Variants in FRMPD4 observed in about 807,000 individuals in gnomAD.
FRMPD4 encodes the protein FERM and PDZ domain-containing protein 4.
FRMPD4 carries 22 observed loss-of-function variants against 94.1 expected under a neutral mutation model. The ratio of observed to expected loss-of-function variants is 0.23; its 90% CI spans 0.17 to 0.33. FRMPD4 has a LOEUF of 0.33. FRMPD4 is among the 10% of genes least tolerant of loss of function. The pLI, the probability that FRMPD4 is intolerant of heterozygous loss-of-function variation, is 1.00. For missense variants in FRMPD4, 1,111 were observed against 1,339.9 expected (o/e 0.83, Z 2.67); for synonymous variants, 631 against 548.6 (o/e 1.15, Z -2.10).
intron 1 of FRMPD4, among the ~76,000 whole-genome samples, chrX:12,383,833 C>T (rs753811209): frequency 8.9e-6 from 1 of 111,770 alleles, no homozygotes; most frequent in African/African-American, 3.3e-5. Context: ...ACGGCAGCCA[C>T]ACATTCTTGT....
chrX:12,636,530 T>C (rs977469389), intron 4 of FRMPD4, among the ~76,000 whole-genome samples: 13 of 112,120 alleles, frequency 1.2e-4, no homozygotes, highest in African/African-American at 4.2e-4. Context: ...ATTTATTAAT[T>C]CATTAATGAT....
At chrX:12,532,096 C>T (rs777038753) in intron 2 of FRMPD4, among the ~76,000 whole-genome samples, 5 of 111,581 alleles carry the variant, frequency 4.5e-5, no homozygotes, top group East Asian at 2.8e-4. Context: ...GAAAAACAAA[C>T]GACAAAAGCA....
At chrX:12,399,311 G>T (rs1444735182) in intron 1 of FRMPD4, among the ~76,000 whole-genome samples, 1 of 111,780 alleles carries the variant, frequency 8.9e-6, no homozygotes, top group Non-Finnish European at 1.9e-5. Context: ...GTAGATGGAT[G>T]TAGATATATG....
chrX:12,286,340 A>G (rs1303381623), intron 1 of FRMPD4, among the ~76,000 whole-genome samples: 1 of 111,065 alleles, frequency 9.0e-6, no homozygotes, highest in African/African-American at 3.3e-5. Flanking sequence ...AAAAATACTC[A>G]TTGTAAATGC....
At chrX:12,253,658 G>A (rs1022402426) in intron 1 of FRMPD4, among the ~76,000 whole-genome samples, 1 of 112,006 alleles carries the variant, frequency 8.9e-6, no homozygotes, top group East Asian at 2.8e-4. Flanking sequence ...GATAATGTGT[G>A]TGTAGTGTAA....
At chrX:12,003,390 T>TGTGTGTGC (rs1301910413) in intron 3 of FRMPD4, among the ~76,000 whole-genome samples, 1 of 108,914 alleles carries the variant, frequency 9.2e-6, no homozygotes, top group Non-Finnish European at 1.9e-5. Flanking sequence ...TTGGCAAGTG[T>TGTGTGTGC]GTGTGTGTGT....
chrX:12,067,036 GT>G (rs751444352), intron 3 of FRMPD4, among the ~76,000 whole-genome samples: 1 of 108,627 alleles, frequency 9.2e-6, no homozygotes, highest in Non-Finnish European at 1.9e-5. Flanking sequence ...TGCCCAGCTA[GT>G]TTTTTTTGTA....
intron 1 of FRMPD4, among the ~76,000 whole-genome samples, chrX:11,862,430 A>C (rs1483709444): frequency 9.0e-6 from 1 of 111,457 alleles, no homozygotes; most frequent in Non-Finnish European, 1.9e-5. Flanking sequence ...AGATTGGGGA[A>C]AATTTGGATG....
intron 1 of FRMPD4, among the ~76,000 whole-genome samples, chrX:12,251,066 G>A (rs899351095): frequency 1.3e-4 from 15 of 112,282 alleles, no homozygotes; most frequent in African/African-American, 4.5e-4. Context: ...ATGTAAAAAT[G>A]TGGTAAATTT....
intron 1 of FRMPD4, among the ~76,000 whole-genome samples, chrX:12,497,107 T>C (rs780013002): frequency 9.0e-6 from 1 of 111,054 alleles, no homozygotes; most frequent in East Asian, 2.8e-4. Context: ...GAAGATAGTT[T>C]ATTTGTTTTC....
rs12688843 is a variant in FRMPD4, at chrX:12,058,893, C to T, written c.95+180875C>T. On this transcript the variant is annotated intron_variant, in intron 3 of 18. Coordinates refer to the FRMPD4 transcript ENST00000640291. ...ATGCTGCTAAATATCCTGCAATCCA[C>T]GCAACAGCCCCCGTATCAAAGAATT... Among the ~76,000 whole-genome samples the T allele has an allele frequency of 2.8e-3, 312 of 110,703 alleles. 4 individuals are homozygous for T. The East Asian group carries it at 0.046, about 16-fold the overall frequency.
chrX:12,690,238 T>C lies in FRMPD4; in HGVS notation c.725T>C (p.Ile242Thr). 8.3e-7 allele frequency: 1 copy of C among 1,199,268 alleles called. No homozygotes were observed. The highest frequency in any genetic ancestry group is 1.1e-6 in the Non-Finnish European group (1 of 884,222). The change falls in exon 8 of 17, where the codon ATT (isoleucine) becomes ACT (threonine). Residue 242 changes from isoleucine (I) to threonine (T), a missense_variant. By Grantham distance (89) the Ile-to-Thr change is moderately conservative. Around this residue, in one of 8 missense-constraint regions of FRMPD4, gnomAD observed 37 missense variants for 101.0 expected, o/e 0.37. Coordinates refer to ENST00000675598, the MANE Select transcript of FRMPD4 (RefSeq NM_001368397.1). ...TLQEKLSIKG[I>T]EHFSLMLEQR... is the part of the protein sequence containing the mutation. ...CAAGAGAAGCTCTCCATCAAAGGCA[T>C]TGAACACTTCTCTCTCATGCTGGAG...
intron 3 of FRMPD4, among the ~76,000 whole-genome samples, chrX:12,073,640 G>A (rs760877683): frequency 8.9e-6 from 1 of 112,117 alleles, no homozygotes; most frequent in Non-Finnish European, 1.9e-5. Context: ...TCTTAAACTA[G>A]ATAGAGCCAG....
At position 12,390,779 on chromosome X, in the gene FRMPD4, A is replaced by G. The variant is rs1192461224; in HGVS notation, c.42-107901A>G. On this transcript the variant is annotated intron_variant, in intron 1 of 16. Coordinates refer to ENST00000675598, the MANE Select transcript of FRMPD4 (RefSeq NM_001368397.1). ...GCCAATTTTTAGGGTCCAGTAGCTAAGTCTTCTTTATCTTTCCGAAATCCT... is the reference window on the plus strand; with the variant it reads ...GCCAATTTTTAGGGTCCAGTAGCTAGGTCTTCTTTATCTTTCCGAAATCCT... Among the ~76,000 whole-genome samples, 3 of 112,353 alleles carry G rather than the reference A, an allele frequency of 2.7e-5. No individual in the cohort carries two copies. The Admixed American group carries it at 2.8e-4, about 11-fold the overall frequency.
intron 4 of FRMPD4, among the ~76,000 whole-genome samples, chrX:12,641,837 G>A (rs1226835582): frequency 8.9e-6 from 1 of 112,390 alleles, no homozygotes; most frequent in East Asian, 2.8e-4. Context: ...TCTGACTAGG[G>A]TGATGGATCA....
intron 3 of FRMPD4, among the ~76,000 whole-genome samples, chrX:12,610,454 AAG>A (rs1273769655): frequency 8.9e-6 from 1 of 112,850 alleles, no homozygotes; most frequent in African/African-American, 3.2e-5. Flanking sequence ...TGGCTATAAG[AAG>A]AGAGTTTTTG....
chrX:12,479,373 CATATATACACATATAT>C (rs2057644735), intron 1 of FRMPD4, among the ~76,000 whole-genome samples: 10 of 95,967 alleles, frequency 1.0e-4, no homozygotes, highest in Admixed American at 7.1e-4. Context: ...CACACATATA[CATATATACACATATAT>C]ATATACATAT....
intron 1 of FRMPD4, among the ~76,000 whole-genome samples, chrX:12,238,154 C>T (rs976787688): frequency 9.0e-6 from 1 of 111,146 alleles, no homozygotes; most frequent in African/African-American, 3.3e-5. Flanking sequence ...GATGCAGTTT[C>T]GCTCTTGTTG....
chrX:12,228,674 T>C (rs2056950255), intron 1 of FRMPD4, among the ~76,000 whole-genome samples: 1 of 112,519 alleles, frequency 8.9e-6, no homozygotes. Context: ...CAAACTTACT[T>C]GGCATTTCTT....
Sources: allele counts gnomAD v4.1 joint callset (sites outside exome capture counted in the v4.1 genomes callset), GRCh38; gene constraint gnomAD v4.1.1; regional missense constraint gnomAD v4.1.1; transcripts MANE v1.5; gene names NCBI Gene and HGNC (gene_info 2026-07-23, HGNC 2026-07-21).